The following RARB variants were observed in gnomAD, a reference collection of about 807,000 sequenced individuals.
The protein encoded by RARB is retinoic acid receptor beta, also known as HBV-activated protein.
In RARB, 17 loss-of-function variants were observed where a neutral mutation model predicts 51.9. That is an observed-to-expected ratio of 0.33 (90% CI 0.22 to 0.49). The LOEUF (loss-of-function observed/expected upper bound fraction) is 0.49. RARB is among the 20% of genes least tolerant of loss of function. The probability of loss-of-function intolerance (pLI) is 0.99; values close to 1 mark genes in which losing one functional copy is unlikely to be tolerated. For synonymous variants in RARB, 215 were observed against 195.4 expected (o/e 1.10, Z -0.84); for missense variants, 369 against 550.8 (o/e 0.67, Z 3.30).
intron 5 of RARB, among the ~76,000 whole-genome samples, chr3:25,305,617 C>G (rs1262504666): frequency 6.6e-6 from 1 of 152,168 alleles, no homozygotes; most frequent in Non-Finnish European, 1.5e-5. Flanking sequence ...CCCTGCCCCA[C>G]AGATATCAGG....
chr3:25,321,351 T>G (rs1052187946), intron 5 of RARB, among the ~76,000 whole-genome samples: 1 of 152,198 alleles, frequency 6.6e-6, no homozygotes, highest in Admixed American at 6.5e-5. Flanking sequence ...TATAATACAC[T>G]GTCTTTTTTG....
chr3:25,119,665 A>G (rs2125328696), intron 3 of RARB, among the ~76,000 whole-genome samples: 1 of 151,946 alleles, frequency 6.6e-6, no homozygotes, highest in African/African-American at 2.4e-5. Flanking sequence ...CAAACAAAAA[A>G]AAAACAACAA....
At chr3:25,195,344 G>A (rs1302979579) in intron 5 of RARB, among the ~76,000 whole-genome samples, 1 of 151,944 alleles carries the variant, frequency 6.6e-6, no homozygotes, top group African/African-American at 2.4e-5. Context: ...AGAAAGTTTC[G>A]TATAGTTATT....
At chr3:24,958,888 G>A (rs1351967654) in intron 2 of RARB, among the ~76,000 whole-genome samples, 1 of 152,142 alleles carries the variant, frequency 6.6e-6, no homozygotes, top group Non-Finnish European at 1.5e-5. Flanking sequence ...TCCTTCATGG[G>A]CCTCATGACA....
intron 2 of RARB, among the ~76,000 whole-genome samples, chr3:25,050,558 C>T (rs1011181664): frequency 6.6e-6 from 1 of 152,186 alleles, no homozygotes; most frequent in Admixed American, 6.5e-5. Context: ...CACTACTCCA[C>T]CCTTTTCCAC....
intron 2 of RARB, among the ~76,000 whole-genome samples, chr3:24,937,544 C>T (rs559582780): frequency 4.6e-5 from 7 of 152,230 alleles, no homozygotes; most frequent in African/African-American, 1.7e-4. Context: ...AATCCTAGGG[C>T]CTGGACTGAC....
chr3:25,260,808 A>G (rs1387015511), intron 5 of RARB, among the ~76,000 whole-genome samples: 1 of 152,154 alleles, frequency 6.6e-6, no homozygotes, highest in African/African-American at 2.4e-5. Context: ...AGGCAAGTTG[A>G]TTAACTTTGC....
At chr3:25,526,228 A>G (rs1039312199) in intron 3 of RARB, among the ~76,000 whole-genome samples, 1 of 152,190 alleles carries the variant, frequency 6.6e-6, no homozygotes, top group African/African-American at 2.4e-5. Flanking sequence ...AAATGAAAGA[A>G]GACTGCTGGG....
At chr3:25,310,172 G>C (rs79723475) in intron 5 of RARB, among the ~76,000 whole-genome samples, 6,119 of 152,264 alleles carry the variant, frequency 0.04, 164 homozygotes, top group Middle Eastern at 0.068. Context: ...GCACGGTGAC[G>C]AGCAGCACTC....
intron 5 of RARB, among the ~76,000 whole-genome samples, chr3:25,588,811 C>A (rs542579991): frequency 2.6e-5 from 4 of 152,328 alleles, no homozygotes; most frequent in Admixed American, 6.5e-5. Context: ...GGCTGGTTAA[C>A]TGTCCTCTTG....
chr3:25,141,264 A>G (rs1388047783), intron 4 of RARB, among the ~76,000 whole-genome samples: 1 of 152,076 alleles, frequency 6.6e-6, no homozygotes. Flanking sequence ...GACTTTTGAC[A>G]CTGACAAACA....
intron 5 of RARB, among the ~76,000 whole-genome samples, chr3:25,210,631 G>C (rs1342047917): frequency 6.9e-6 from 1 of 144,710 alleles, no homozygotes; most frequent in Non-Finnish European, 1.5e-5. Flanking sequence ...CACCTCCTGG[G>C]TTCAAGAAAT....
intron 3 of RARB, among the ~76,000 whole-genome samples, chr3:25,516,386 G>C (rs1156979106): frequency 6.6e-6 from 1 of 151,982 alleles, no homozygotes; most frequent in Non-Finnish European, 1.5e-5. Flanking sequence ...GAACTTATGT[G>C]GATTCCAGTT....
intron 5 of RARB, among the ~76,000 whole-genome samples, chr3:25,355,072 C>T (rs1014272838): frequency 6.6e-6 from 1 of 152,026 alleles, no homozygotes; most frequent in Non-Finnish European, 1.5e-5. Flanking sequence ...AATAAAGATA[C>T]TATTACTGCT....
At chr3:25,439,437 G>T (rs150000184) in intron 1 of RARB, among the ~76,000 whole-genome samples, 3,538 of 152,060 alleles carry the variant, frequency 0.023, 88 homozygotes, top group South Asian at 0.094. Flanking sequence ...ACAGGGTCTC[G>T]CTCTGTTGCC....
intron 3 of RARB, among the ~76,000 whole-genome samples, chr3:25,506,690 A>T (rs1279776642): frequency 6.6e-6 from 1 of 152,282 alleles, no homozygotes; most frequent in Non-Finnish European, 1.5e-5. Flanking sequence ...GCCATGGAAA[A>T]TATAAACAAA....
intron 3 of RARB, among the ~76,000 whole-genome samples, chr3:25,098,034 T>C (rs780390534): frequency 6.6e-6 from 1 of 152,188 alleles, no homozygotes; most frequent in Non-Finnish European, 1.5e-5. Flanking sequence ...TGTCAATTTT[T>C]GTTTTACTTT....
At position 25,363,780 on chromosome 3, in the gene RARB, C is replaced by T. The variant is rs1468596970; in HGVS notation, c.179-97413C>T. On this transcript the variant is annotated intron_variant, in intron 5 of 11. Coordinates refer to the RARB transcript ENST00000383772. ...AGTCTCCCTGTGGCCCCTCATTCCT[C>T]TCAAAGTCCTACATGATCTGTGGCA... Among the ~76,000 whole-genome samples the T allele has an allele frequency of 2.6e-5, 4 of 152,194 alleles. No homozygotes were observed. In the East Asian group the frequency reaches 7.7e-4, roughly 29 times the overall value.
At chr3:25,346,970 G>A (rs1264211574) in intron 5 of RARB, among the ~76,000 whole-genome samples, 2 of 152,190 alleles carry the variant, frequency 1.3e-5, no homozygotes, top group Non-Finnish European at 2.9e-5. Flanking sequence ...TTCCATGTAG[G>A]TATACAAACT....
Sources: gnomAD v4.1 joint callset for allele counts (sites outside exome capture counted in the v4.1 genomes callset) on GRCh38, gnomAD v4.1.1 for gene constraint, MANE v1.5 for transcripts, NCBI Gene and HGNC (gene_info 2026-07-23, HGNC 2026-07-21) for gene names.